Variants in ZNF674 observed in about 807,000 individuals in gnomAD.
ZNF674 encodes zinc finger family member 674.
In ZNF674, 2 loss-of-function variants were observed where a neutral mutation model predicts 7.0. The observed-to-expected ratio is 0.29, with a 90% confidence interval of 0.12 to 0.90. ZNF674 has a LOEUF of 0.90. ZNF674 is among the 40% of genes least tolerant of loss of function. The probability of loss-of-function intolerance (pLI) is 0.57; values close to 1 mark genes in which losing one functional copy is unlikely to be tolerated. For synonymous variants in ZNF674, 103 were observed against 145.2 expected (o/e 0.71, Z 2.09); for missense variants, 297 against 415.5 (o/e 0.71, Z 2.48).
At chrX:46,504,392 G>A (rs1338382921) in intron 5 of ZNF674, among the ~76,000 whole-genome samples, 1 of 109,487 alleles carries the variant, frequency 9.1e-6, no homozygotes, top group Non-Finnish European at 1.9e-5. Context: ...ACCCAGGCTG[G>A]AGTACAGTAG....
chrX:46,531,904 C>T (rs1462788134), intron 3 of ZNF674, among the ~76,000 whole-genome samples: 1 of 111,795 alleles, frequency 8.9e-6, no homozygotes, highest in African/African-American at 3.2e-5. Flanking sequence ...CGGTGGCTCA[C>T]GCCTGTGATC....
At chrX:46,541,690 C>T (rs1942298668) in intron 3 of ZNF674, among the ~76,000 whole-genome samples, 2 of 112,116 alleles carry the variant, frequency 1.8e-5, no homozygotes, top group Non-Finnish European at 3.8e-5. Flanking sequence ...GAAATAGAAA[C>T]TTTATTGGCT....
chrX:46,529,579 G>T (rs1159393971), intron 3 of ZNF674: 2 of 108,387 alleles, frequency 1.8e-5, no homozygotes, highest in African/African-American at 6.8e-5. Context: ...TGGCGTAGGA[G>T]AATCGTTTGA....
rs775815630 is a variant in ZNF674, at chrX:46,500,084, C to T, written c.1490G>A (p.Cys497Tyr). 8.3e-7 allele frequency: 1 copy of T among 1,209,937 alleles called. No individual in the cohort carries two copies. Among genetic ancestry groups the T allele is most frequent in the East Asian group, 3.0e-5 (1 of 33,777 alleles). Reference sequence around the variant, plus strand: ...TGACTTCCTACTGAAGGCTTTTTTACAGTCAGTGCATTCATAGGGTCTCTC... The same window carrying T: ...TGACTTCCTACTGAAGGCTTTTTTATAGTCAGTGCATTCATAGGGTCTCTC... ...TGERPYECTD[C>Y]KKAFSRKSTL... The change falls in exon 6 of 6, where the codon TGT becomes TAT. Residue 497 changes from cysteine to tyrosine, a missense_variant. Coordinates refer to ENST00000683375, the MANE Select transcript of ZNF674 (RefSeq NM_001190417.2).
chrX:46,507,176 C>A (rs181276076), intron 5 of ZNF674, among the ~76,000 whole-genome samples: 1 of 110,836 alleles, frequency 9.0e-6, no homozygotes, highest in Non-Finnish European at 1.9e-5. Context: ...TCCAGTGAGA[C>A]CCCGTCTCTA....
At chrX:46,545,127 C>G (rs1942355816) in intron 1 of ZNF674, among the ~76,000 whole-genome samples, 1 of 111,373 alleles carries the variant, frequency 9.0e-6, no homozygotes, top group African/African-American at 3.3e-5. Flanking sequence ...TAATGTGAAA[C>G]ATTTGCAAGA....
chrX:46,517,166 G>C (rs770838215), intron 5 of ZNF674, among the ~76,000 whole-genome samples: 1 of 111,468 alleles, frequency 9.0e-6, no homozygotes, highest in Non-Finnish European at 1.9e-5. Context: ...AATAACCTAG[G>C]TGCTGGAAAT....
intron 5 of ZNF674, among the ~76,000 whole-genome samples, chrX:46,515,330 T>A (rs1383546801): frequency 9.5e-6 from 1 of 105,776 alleles, no homozygotes; most frequent in African/African-American, 3.5e-5. Context: ...GTTGGTGCCA[T>A]TGCATCCTAG....
At chrX:46,532,164 G>A (rs748434063) in intron 3 of ZNF674, among the ~76,000 whole-genome samples, 13 of 111,649 alleles carry the variant, frequency 1.2e-4, no homozygotes, top group Non-Finnish European at 1.7e-4. Flanking sequence ...GCAAAACTCC[G>A]TCTCAAAAAA....
Position 46,528,898 on chromosome X carries a change from G to A in ZNF674, c.27C>T (p.Thr9=). Residue 9 remains threonine (T), a synonymous_variant, in exon 4 of 6, where the codon ACC becomes ACT. Coordinates refer to ENST00000683375, the MANE Select transcript of ZNF674 (RefSeq NM_001190417.2). MAMSQESL[T]FKDVFVDFTL... The stretch of plus-strand genomic sequence containing the variant: ...TGAAGTCCACAAACACGTCCTTGAA[G>A]GTCAATGATTCCTGTAACGGCACAT... The A allele has an allele frequency of 1.7e-6, 2 of 1,211,949 alleles. No homozygotes were observed. Among genetic ancestry groups the A allele is most frequent in the Non-Finnish European group, 2.2e-6 (2 of 895,597 alleles).
chrX:46,519,153 A>C (rs1373152678), intron 5 of ZNF674, among the ~76,000 whole-genome samples: 1 of 106,241 alleles, frequency 9.4e-6, no homozygotes, highest in African/African-American at 3.5e-5. Flanking sequence ...CAGTGAGCCA[A>C]GATTGCACCA....
rs1383914704 is a variant in ZNF674, at chrX:46,511,097, T to C, written c.239-9762A>G. Among the ~76,000 whole-genome samples, 38 of 112,063 alleles carry C rather than the reference T, an allele frequency of 3.4e-4. No homozygotes were observed. In the Admixed American group the frequency reaches 3.6e-3, roughly 11 times the overall value. ...GCTGCTTATTATTTTATTACAATCA[T>C]TGTCTTCATGATTATTTCCACTAAA... On this transcript the variant is annotated intron_variant, in intron 5 of 5. Transcript: ENST00000683375.
intron 5 of ZNF674, chrX:46,527,812 G>A (rs1942035309): frequency 8.1e-6 from 1 of 123,159 alleles, no homozygotes; most frequent in African/African-American, 3.3e-5. Context: ...TGGGTACCAG[G>A]CTGGGTAGAG....
At position 46,503,802 on chromosome X, in the gene ZNF674, C is replaced by T. The variant is rs187535762; in HGVS notation, c.239-2467G>A. Among the ~76,000 whole-genome samples, 18 of 111,607 alleles carry T rather than the reference C, an allele frequency of 1.6e-4. No individual in the cohort carries two copies. The East Asian group carries it at 4.5e-3, about 28-fold the overall frequency. On this transcript the variant is annotated intron_variant, in intron 5 of 5. Coordinates refer to ENST00000683375, the MANE Select transcript of ZNF674 (RefSeq NM_001190417.2). ...CATGGCAAATTGATTCCACTTATGA[C>T]GGATAAGAGGTAATACATTTAGTAT...
chrX:46,521,261 CATTG>C (rs1941906562), intron 5 of ZNF674, among the ~76,000 whole-genome samples: 1 of 108,410 alleles, frequency 9.2e-6, no homozygotes. Context: ...TGCAATAAAG[CATTG>C]ATTAATATGT....
At chrX:46,502,149 T>C (rs775016806) in intron 5 of ZNF674, among the ~76,000 whole-genome samples, 57 of 108,885 alleles carry the variant, frequency 5.2e-4, no homozygotes, top group South Asian at 4.8e-3. Context: ...CTACTAAAAA[T>C]ACAAAAATTA....
intron 5 of ZNF674, among the ~76,000 whole-genome samples, chrX:46,504,867 CTTTTT>C (rs935418926): frequency 7.3e-5 from 8 of 109,906 alleles, no homozygotes; most frequent in South Asian, 7.6e-4. Flanking sequence ...CTTTTCTTTT[CTTTTT>C]ATTTTTTTAA....
At chrX:46,535,566 C>T (rs1942186794) in intron 3 of ZNF674, among the ~76,000 whole-genome samples, 1 of 111,779 alleles carries the variant, frequency 8.9e-6, no homozygotes, top group Non-Finnish European at 1.9e-5. Flanking sequence ...AAGACCACAA[C>T]CTAACATATA....
intron 5 of ZNF674, among the ~76,000 whole-genome samples, chrX:46,518,125 G>C (rs781011416): frequency 9.0e-6 from 1 of 111,606 alleles, no homozygotes; most frequent in South Asian, 3.7e-4. Flanking sequence ...CAGGTGAAGG[G>C]AGATGATATC....
Sources: gnomAD v4.1 joint callset for allele counts (sites outside exome capture counted in the v4.1 genomes callset) on GRCh38, gnomAD v4.1.1 for gene constraint, MANE v1.5 for transcripts, NCBI Gene and HGNC (gene_info 2026-07-23, HGNC 2026-07-21) for gene names.